The following TUB variants were observed in gnomAD, a reference collection of about 807,000 sequenced individuals.
The protein encoded by TUB is tubby protein homolog.
Under a neutral mutation model 59.7 loss-of-function variants are expected in TUB, and 33 were observed. That is an observed-to-expected ratio of 0.55 (90% confidence interval 0.42 to 0.74). TUB has a LOEUF of 0.74. Ranked by LOEUF, TUB falls within the 30% of genes least tolerant of loss-of-function variation. The pLI is 0.00. For synonymous variants in TUB, 293 were observed against 256.4 expected (o/e 1.14, Z -1.36); for missense variants, 659 against 672.0 (o/e 0.98, Z 0.21).
At chr11:8,032,322 G>A (rs1942586156) in intron 1 of TUB, among the ~76,000 whole-genome samples, 2 of 152,204 alleles carry the variant, frequency 1.3e-5, no homozygotes, top group African/African-American at 4.8e-5. Flanking sequence ...TAGGCTCGTA[G>A]CCGGTGAACA....
At chr11:8,098,700 G>A (rs1944116679) in intron 8 of TUB, 58 bp from the exon 9 acceptor site, 3 of 1,337,236 alleles carry the variant, frequency 2.2e-6, no homozygotes, top group South Asian at 2.4e-5. Flanking sequence ...ACGATGAGCT[G>A]TTCCCTGCTC....
chr11:8,103,904 C>G lies in TUB; in HGVS notation c.*2285C>G, dbSNP rs530503257. ...GAAAACTCTTGGCCTCTGCTTTCTC[C>G]TGTAGCACAAAGAGGGAGTTGGCTG... On this transcript the variant is annotated 3_prime_UTR_variant, in exon 12 of 12. Transcript: ENST00000299506. 6.6e-6 allele frequency: 1 copy of G among 152,248 alleles called. No individual in the cohort carries two copies. Among genetic ancestry groups the G allele is most frequent in the Admixed American group, 6.5e-5 (1 of 15,284 alleles). The allele number at this position is 152,248 out of a possible 1,614,324, so 9.4% of individuals were successfully genotyped here. A position where few individuals can be genotyped will look rare whatever the true frequency, so the allele number is the denominator to read the frequency against.
chr11:8,094,741 C>T (rs926224174), intron 4 of TUB, among the ~76,000 whole-genome samples: 1 of 152,248 alleles, frequency 6.6e-6, no homozygotes, highest in African/African-American at 2.4e-5. Context: ...GCGGTACCTG[C>T]CCCAGGTCCT....
chr11:8,069,702 T>C (rs1400605175), intron 2 of TUB, among the ~76,000 whole-genome samples: 1 of 150,804 alleles, frequency 6.6e-6, no homozygotes, highest in African/African-American at 2.5e-5. Flanking sequence ...TTTGCTGTTG[T>C]TTTTTTTTCC....
intron 2 of TUB, among the ~76,000 whole-genome samples, chr11:8,052,411 C>T (rs1294006494): frequency 6.8e-6 from 1 of 146,670 alleles, no homozygotes; most frequent in African/African-American, 2.5e-5. Flanking sequence ...GAAGGCATTT[C>T]TTGTGAAGCT....
chr11:8,079,915 C>T (rs942343237), upstream of TUB, among the ~76,000 whole-genome samples: 4 of 152,152 alleles, frequency 2.6e-5, no homozygotes, highest in Non-Finnish European at 5.9e-5. Flanking sequence ...TCTAGGGTGG[C>T]TATGAGGATT....
intron 2 of TUB, among the ~76,000 whole-genome samples, chr11:8,045,148 G>A (rs1942811845): frequency 6.6e-6 from 1 of 152,030 alleles, no homozygotes; most frequent in South Asian, 2.1e-4. Flanking sequence ...TCACATGGTT[G>A]GTTCCTTTGG....
At chr11:8,039,385 C>T (rs1012789819) in intron 1 of TUB, 1 of 457,540 alleles carries the variant, frequency 2.2e-6, no homozygotes, top group African/African-American at 2.0e-5. Context: ...CCCCACCCCC[C>T]AGTGCTTCAT....
intron 2 of TUB, among the ~76,000 whole-genome samples, chr11:8,058,797 A>T (rs1176501544): frequency 6.6e-6 from 1 of 152,252 alleles, no homozygotes; most frequent in Non-Finnish European, 1.5e-5. Context: ...TTGGCTACAG[A>T]TAAAGAGTTA....
chr11:8,093,504 A>G (rs1373410328), intron 3 of TUB, among the ~76,000 whole-genome samples: 1 of 152,048 alleles, frequency 6.6e-6, no homozygotes, highest in Non-Finnish European at 1.5e-5. Flanking sequence ...ACCAGCTGGG[A>G]CCCTTCTGAG....
Position 8,105,142 on chromosome 11 carries a change from A to T in TUB, c.*3523A>T, listed in dbSNP as rs1944495708. ...TATGCAAGCACAAATTTCATCTCCT[A>T]GATGGACTTCCTGGTTTTCTCTTAC... On this transcript the variant is annotated 3_prime_UTR_variant, in exon 12 of 12. Coordinates refer to ENST00000299506, the MANE Select transcript of TUB (RefSeq NM_177972.3). The T allele has an allele frequency of 6.6e-6, 1 of 152,220 alleles. No individual in the cohort carries two copies. Among genetic ancestry groups the T allele is most frequent in the Admixed American group, 6.5e-5 (1 of 15,282 alleles). 9.4% of individuals were successfully genotyped at this position (152,220 alleles called of 1,614,324 possible).
chr11:8,069,709 T>C (rs1332908864), intron 2 of TUB, among the ~76,000 whole-genome samples: 1 of 152,242 alleles, frequency 6.6e-6, no homozygotes, highest in African/African-American at 2.4e-5. Flanking sequence ...TTGTTTTTTT[T>C]TCCTTCCAGA....
At chr11:8,029,103 C>T (rs977758091) in intron 1 of TUB, among the ~76,000 whole-genome samples, 11 of 152,156 alleles carry the variant, frequency 7.2e-5, no homozygotes, top group Admixed American at 3.9e-4. Context: ...TTGTTTTACA[C>T]TATATCTGTG....
rs181314001 is a variant in TUB, at chr11:8,032,506, G to T, written c.56+13148G>T. Among the ~76,000 whole-genome samples, 7 of 152,282 alleles carry T rather than the reference G, an allele frequency of 4.6e-5. No individual in the cohort carries two copies. The South Asian group carries it at 1.5e-3, about 32-fold the overall frequency. ...TTATTGGAAAACAGACACATCTATC[G>T]GCTTAAATGTTGTCTATGGCTGCTT... On this transcript the variant is annotated intron_variant, in intron 1 of 11. Transcript: ENST00000534099.
upstream of TUB, among the ~76,000 whole-genome samples, chr11:8,079,760 T>A (rs1393178997): frequency 1.3e-5 from 2 of 151,942 alleles, no homozygotes; most frequent in Non-Finnish European, 2.9e-5. Flanking sequence ...AAAAGGAGGC[T>A]GAGGGTAAGT....
At chr11:8,080,824 G>T (rs1943537147), upstream of TUB, among the ~76,000 whole-genome samples, 1 of 152,164 alleles carries the variant, frequency 6.6e-6, no homozygotes, top group Admixed American at 6.5e-5. Context: ...CTTCGGCCCG[G>T]AGGTTCCCCC....
chr11:8,082,480 C>G (rs1175963352), intron 1 of TUB, among the ~76,000 whole-genome samples: 2 of 152,214 alleles, frequency 1.3e-5, no homozygotes, highest in Non-Finnish European at 2.9e-5. Context: ...GCGCCAGATT[C>G]TTGGCCACCC....
At chr11:8,038,286 G>T (rs996627376), upstream of TUB, among the ~76,000 whole-genome samples, 1 of 152,170 alleles carries the variant, frequency 6.6e-6, no homozygotes, top group African/African-American at 2.4e-5. Flanking sequence ...AGAGTTGTGG[G>T]AGATGAAGCC....
intron 11 of TUB, among the ~76,000 whole-genome samples, 156 bp from the exon 12 acceptor site, chr11:8,101,330 C>T (rs956866036): frequency 6.6e-6 from 1 of 152,178 alleles, no homozygotes; most frequent in African/African-American, 2.4e-5. Context: ...CCACTTCTCC[C>T]AATTGGCCTT....
Sources: allele counts gnomAD v4.1 joint callset (sites outside exome capture counted in the v4.1 genomes callset), GRCh38; gene constraint gnomAD v4.1.1; transcripts MANE v1.5; gene names NCBI Gene and HGNC (gene_info 2026-07-23, HGNC 2026-07-21).